Variants in RABGAP1 observed in about 807,000 individuals in gnomAD.
RABGAP1 encodes the protein RAB GTPase activating protein 1.
RABGAP1 carries 23 observed loss-of-function variants against 137.6 expected under a neutral mutation model. The observed-to-expected ratio is 0.17, with a 90% CI of 0.12 to 0.24. The LOEUF is 0.24. Among genes scored for constraint, RABGAP1 ranks in the 10% least tolerant of loss-of-function variants. The probability of loss-of-function intolerance (pLI) is 1.00; values close to 1 mark genes in which losing one functional copy is unlikely to be tolerated. For missense variants in RABGAP1, 906 were observed against 1,275.8 expected (o/e 0.71, Z 4.42); for synonymous variants, 451 against 450.7 (o/e 1.00, Z -0.01).
At chr9:122,967,222 G>GT (rs1022091528) in intron 2 of RABGAP1, among the ~76,000 whole-genome samples, 21 of 152,208 alleles carry the variant, frequency 1.4e-4, no homozygotes, top group South Asian at 2.1e-4. Context: ...AGAATAATGG[G>GT]TTTTTTTGGA....
chr9:123,039,128 G>A (rs2032822019), intron 13 of RABGAP1, among the ~76,000 whole-genome samples: 1 of 152,126 alleles, frequency 6.6e-6, no homozygotes, highest in African/African-American at 2.4e-5. Context: ...ATGTAAGGAA[G>A]CCATACATCA....
At chr9:122,970,551 C>A (rs1835415939) in intron 2 of RABGAP1, among the ~76,000 whole-genome samples, 1 of 152,162 alleles carries the variant, frequency 6.6e-6, no homozygotes, top group South Asian at 2.1e-4. Flanking sequence ...TACAATTACA[C>A]CCAGGTAGTA....
the RABGAP1 span, among the ~76,000 whole-genome samples, chr9:122,931,736 C>A: frequency 6.6e-6 from 1 of 152,200 alleles, no homozygotes; most frequent in Non-Finnish European, 1.5e-5. Context: ...TGCCTTAGCT[C>A]GTAAGCGTCT....
At chr9:123,055,298 C>T (rs1564164268) in intron 13 of RABGAP1, among the ~76,000 whole-genome samples, 1 of 152,186 alleles carries the variant, frequency 6.6e-6, no homozygotes, top group Non-Finnish European at 1.5e-5. Context: ...CTCAAGCAGT[C>T]CTCCCACCTC....
chr9:123,021,122 G>T (rs1469861522), intron 13 of RABGAP1, among the ~76,000 whole-genome samples: 1 of 152,102 alleles, frequency 6.6e-6, no homozygotes, highest in Non-Finnish European at 1.5e-5. Context: ...TCAGGAAGCA[G>T]TTTCTCCAAT....
At chr9:122,963,049 T>C (rs895554901) in intron 2 of RABGAP1, among the ~76,000 whole-genome samples, 19 of 152,308 alleles carry the variant, frequency 1.2e-4, no homozygotes, top group African/African-American at 4.3e-4. Flanking sequence ...ATTACATATC[T>C]AATAACCAAG....
chr9:123,091,888 A>G (rs1412593516), intron 21 of RABGAP1, among the ~76,000 whole-genome samples: 1 of 151,986 alleles, frequency 6.6e-6, no homozygotes, highest in Non-Finnish European at 1.5e-5. Context: ...TTGTAGAAAC[A>G]CTATATGGGT....
upstream of RABGAP1, chr9:122,938,660 T>G (rs750253618): frequency 2.6e-5 from 4 of 152,222 alleles, no homozygotes; most frequent in Non-Finnish European, 5.9e-5. Flanking sequence ...AAATGTTATA[T>G]CTATTGTAGA....
the RABGAP1 span, among the ~76,000 whole-genome samples, chr9:122,932,708 G>C: frequency 6.6e-6 from 1 of 151,850 alleles, no homozygotes; most frequent in Non-Finnish European, 1.5e-5. Context: ...TTGATATTTA[G>C]AGATATGGAG....
chr9:122,965,535 C>T (rs1835094640), intron 2 of RABGAP1, among the ~76,000 whole-genome samples: 1 of 152,122 alleles, frequency 6.6e-6, no homozygotes, highest in South Asian at 2.1e-4. Flanking sequence ...AGGCATGCAC[C>T]ACCATGCTTG....
intron 13 of RABGAP1, among the ~76,000 whole-genome samples, chr9:123,026,996 A>C (rs947143149): frequency 1.3e-5 from 2 of 152,084 alleles, no homozygotes; most frequent in Non-Finnish European, 2.9e-5. Context: ...ACTTATCTGC[A>C]TCATTTTCTC....
intron 3 of RABGAP1, 24 bp downstream of exon 3, chr9:122,984,743 G>C: frequency 1.3e-6 from 2 of 1,594,242 alleles, no homozygotes; most frequent in Non-Finnish European, 1.7e-6. Flanking sequence ...CATTGCTTGC[G>C]TAACTGAAGG....
At position 122,986,140 on chromosome 9, in the gene RABGAP1, G is replaced by A. The variant is rs968509876; in HGVS notation, c.386-75G>A. 6 of 1,398,262 alleles carry A rather than the reference G, an allele frequency of 4.3e-6. No homozygotes were observed. The African/African-American group carries it at 7.1e-5, about 17-fold the overall frequency. 86.6% of individuals were successfully genotyped at this position (1,398,262 alleles called of 1,614,324 possible). ...TTTTAGACCTTAAATGTTACTTGCA[G>A]ATTTTTACTTGCTAATCGTATCAAC... On this transcript the variant is annotated intron_variant, in intron 3 of 25. Coordinates refer to ENST00000373647, the MANE Select transcript of RABGAP1 (RefSeq NM_012197.4).
In RABGAP1 at chr9:122,957,048, C is replaced by CA; in HGVS notation, c.-11dup. ...ATTTAATCATTCATGTGTTGAGACT[C>CA]ATTCTTGAGTTATGGATGACAAGGC... is the stretch of plus-strand genomic sequence containing the variant. On this transcript the variant is annotated 5_prime_UTR_variant, in exon 2 of 26. Transcript: ENST00000373647. 1 of 1,487,246 alleles carries CA rather than the reference C, an allele frequency of 6.7e-7. No homozygotes were observed. The highest frequency in any genetic ancestry group is 9.1e-7 in the Non-Finnish European group (1 of 1,098,908). The allele number at this position is 1,487,246 out of a possible 1,614,324, so 92.1% of individuals were successfully genotyped here.
intron 19 of RABGAP1, among the ~76,000 whole-genome samples, chr9:123,077,898 C>T (rs700067): frequency 0.62 from 94,947 of 151,996 alleles, 36,803 homozygotes; most frequent in Non-Finnish European, 0.86. Context: ...CTTCTTTTAA[C>T]ACATAGAGAG....
At position 123,076,228 on chromosome 9, in the gene RABGAP1, T is replaced by C. The variant is rs1330777613; in HGVS notation, c.2254-17T>C. The C allele has an allele frequency of 5.6e-6, 9 of 1,607,932 alleles. No homozygotes were observed. In the Admixed American group the frequency reaches 6.7e-5, roughly 12 times the overall value. ...ATATAAAAACTGACAGTGTTCTTTTTGTCTGTTCTCTTTCAGGGAATAAGT... is the reference window on the plus strand; with the variant it reads ...ATATAAAAACTGACAGTGTTCTTTTCGTCTGTTCTCTTTCAGGGAATAAGT... On this transcript the variant is annotated splice_polypyrimidine_tract_variant and intron_variant, in intron 17 of 25. Coordinates refer to ENST00000373647, the MANE Select transcript of RABGAP1 (RefSeq NM_012197.4).
At chr9:122,953,870 T>C (rs1455759038) in intron 1 of RABGAP1, among the ~76,000 whole-genome samples, 3 of 152,194 alleles carry the variant, frequency 2.0e-5, no homozygotes, top group African/African-American at 7.2e-5. Flanking sequence ...CTTTAACAAA[T>C]AGTTGAGCAC....
At chr9:122,973,781 G>A (rs1588195631) in intron 2 of RABGAP1, among the ~76,000 whole-genome samples, 1 of 151,800 alleles carries the variant, frequency 6.6e-6, no homozygotes, top group East Asian at 2.0e-4. Flanking sequence ...AGGCCGAGGC[G>A]GGCAGATCAC....
At chr9:122,960,499 A>G (rs1462495871) in intron 2 of RABGAP1, among the ~76,000 whole-genome samples, 1 of 152,204 alleles carries the variant, frequency 6.6e-6, no homozygotes, top group Non-Finnish European at 1.5e-5. Flanking sequence ...ACAAAAATCA[A>G]CTAGCCAGTC....
Sources: allele counts gnomAD v4.1 joint callset (sites outside exome capture counted in the v4.1 genomes callset), GRCh38; gene constraint gnomAD v4.1.1; transcripts MANE v1.5; gene names NCBI Gene and HGNC (gene_info 2026-07-23, HGNC 2026-07-21).